The following FANCA variants were observed in gnomAD, a reference collection of about 807,000 sequenced individuals.
The protein encoded by FANCA is FA complementation group A, also known as Fanconi anemia group A protein.
In FANCA, 236 loss-of-function variants were observed where a neutral mutation model predicts 194.3. The observed-to-expected ratio is 1.21, with a 90% CI of 1.09 to 1.35. FANCA has a LOEUF of 1.35. Among genes scored for constraint, FANCA ranks in the 40% most tolerant of loss-of-function variants. FANCA has a pLI of 0.00. For synonymous variants in FANCA, 1,014 were observed against 715.8 expected (o/e 1.42, Z -6.65); for missense variants, 2,628 against 1,813.9 (o/e 1.45, Z -8.15).
At chr16:89,804,719 C>T (rs1416311860) in intron 7 of FANCA, among the ~76,000 whole-genome samples, 1 of 152,084 alleles carries the variant, frequency 6.6e-6, no homozygotes, top group African/African-American at 2.4e-5. Flanking sequence ...CATTACAGTC[C>T]CAAGTTTTTC....
intron 5 of FANCA, among the ~76,000 whole-genome samples, chr16:89,809,424 A>G (rs2040791332): frequency 6.6e-6 from 1 of 151,946 alleles, no homozygotes. Flanking sequence ...TGGATAAAAG[A>G]ATGGGAAAGG....
chr16:89,794,924 G>GT (rs1202756399), intron 11 of FANCA, among the ~76,000 whole-genome samples: 1 of 152,186 alleles, frequency 6.6e-6, no homozygotes, highest in Non-Finnish European at 1.5e-5. Context: ...GAAAGATAAC[G>GT]TGAGTTGTGC....
intron 28 of FANCA, chr16:89,762,786 A>G (rs1393461968): frequency 2.2e-6 from 1 of 451,108 alleles, no homozygotes; most frequent in East Asian, 7.2e-5. Flanking sequence ...GCACATCACC[A>G]TGACCAGCTA....
intron 37 of FANCA, among the ~76,000 whole-genome samples, chr16:89,741,926 G>GCAA (rs1165103360): frequency 6.6e-6 from 1 of 152,080 alleles, no homozygotes; most frequent in Non-Finnish European, 1.5e-5. Context: ...TCAAGCCTGG[G>GCAA]CAACACAGTG....
intron 38 of FANCA, 126 bp from the exon 39 acceptor site, chr16:89,740,225 CAGTTTT>C (rs1233440242): frequency 1.2e-6 from 1 of 841,888 alleles, no homozygotes; most frequent in African/African-American, 1.7e-5. Flanking sequence ...AAACTGGTGA[CAGTTTT>C]ACCTATAGAA....
chr16:89,776,622 T>C (rs920542576), intron 20 of FANCA, among the ~76,000 whole-genome samples: 1 of 149,870 alleles, frequency 6.7e-6, no homozygotes, highest in East Asian at 2.0e-4. Context: ...GGTCAGGAGA[T>C]TGAGACCATC....
intron 1 of FANCA, 112 bp from the exon 2 acceptor site, chr16:89,816,098 G>A (rs1403104317): frequency 2.5e-6 from 2 of 794,848 alleles, no homozygotes; most frequent in African/African-American, 3.4e-5. Context: ...CCCTCCCGAA[G>A]AGGGGCCGGG....
intron 36 of FANCA, among the ~76,000 whole-genome samples, chr16:89,743,412 G>A (rs541182742): frequency 2.0e-5 from 3 of 152,344 alleles, no homozygotes; most frequent in African/African-American, 4.8e-5. Flanking sequence ...TGGTTTAAGA[G>A]ACTTTAAATA....
At chr16:89,795,867 A>G in intron 11 of FANCA, 39 bp downstream of exon 11, 1 of 1,498,016 alleles carries the variant, frequency 6.7e-7, no homozygotes, top group Non-Finnish European at 9.3e-7. Context: ...GCAATCCCCA[A>G]AATGGGTAGC....
chr16:89,775,932 C>T (rs1478306960), intron 20 of FANCA, 117 bp from the exon 21 acceptor site: 1 of 611,096 alleles, frequency 1.6e-6, no homozygotes, highest in Non-Finnish European at 2.8e-6. Context: ...ATTATAAATA[C>T]TGTGTACAGT....
intron 36 of FANCA, among the ~76,000 whole-genome samples, chr16:89,743,616 G>C (rs2062183612): frequency 6.6e-6 from 1 of 152,132 alleles, no homozygotes; most frequent in African/African-American, 2.4e-5. Context: ...CTGAGGTCGG[G>C]AGTTCGAGAC....
chr16:89,754,247 AC>A (rs2038697553), intron 30 of FANCA, among the ~76,000 whole-genome samples: 1 of 119,792 alleles, frequency 8.3e-6, no homozygotes, highest in Non-Finnish European at 1.6e-5. Flanking sequence ...AAACAAAACA[AC>A]AACAAAAAAA....
chr16:89,765,191 T>G (rs1393868386), intron 27 of FANCA, 125 bp from the exon 28 acceptor site: 25 of 1,159,686 alleles, frequency 2.2e-5, no homozygotes, highest in Non-Finnish European at 3.8e-6. Flanking sequence ...TCAGAGGACC[T>G]CAGTCCAGCC....
At chr16:89,764,137 G>T (rs1416913356) in intron 28 of FANCA, among the ~76,000 whole-genome samples, 1 of 151,942 alleles carries the variant, frequency 6.6e-6, no homozygotes, top group Non-Finnish European at 1.5e-5. Flanking sequence ...AGCTACTGGA[G>T]AGGCTGAGGC....
rs55857704 is a variant in FANCA, at chr16:89,802,829, T to C, written c.792+430A>G. ...AATATTGCATGTTATCACAAATATG[T>C]GGGAGCTAAAAAGTGGCTCTTGTGG... On this transcript the variant is annotated intron_variant, in intron 8 of 42. Transcript: ENST00000389301. Among the ~76,000 whole-genome samples, 53 of 152,266 alleles carry C rather than the reference T, an allele frequency of 3.5e-4. No individual in the cohort carries two copies. In the East Asian group the frequency reaches 9.6e-3, roughly 28 times the overall value.
chr16:89,767,322 G>C, intron 26 of FANCA, 85 bp from the exon 27 acceptor site: 1 of 968,970 alleles, frequency 1.0e-6, no homozygotes, highest in Non-Finnish European at 1.6e-6. Flanking sequence ...TCATAAAACT[G>C]AATTTAGTGC....
chr16:89,810,956 G>A lies in FANCA; in HGVS notation c.399C>T (p.His133=), dbSNP rs56190097. ...TCTGCTCCACAGTCAGCAGCACAGGGTGACTGGTCTCCGCTGGAGCCGTGC... is the reference window on the plus strand; with the variant it reads ...TCTGCTCCACAGTCAGCAGCACAGGATGACTGGTCTCCGCTGGAGCCGTGC... The part of the protein sequence containing the change: ...QICTAPAETS[H]PVLLTVEQRK... Residue 133 remains histidine, a synonymous_variant, in exon 4 of 43, where the codon CAC becomes CAT. Coordinates refer to ENST00000389301, the MANE Select transcript of FANCA (RefSeq NM_000135.4). The A allele has an allele frequency of 7.0e-5, 113 of 1,614,122 alleles. No individual in the cohort carries two copies. The African/African-American group carries it at 1.1e-3, about 16-fold the overall frequency.
intron 28 of FANCA, among the ~76,000 whole-genome samples, chr16:89,764,098 C>A (rs760340829): frequency 1.3e-5 from 2 of 151,330 alleles, no homozygotes; most frequent in South Asian, 4.2e-4. Context: ...CAAAATTAGT[C>A]GGGCGTGGTG....
At chr16:89,800,822 G>C (rs541679859) in intron 8 of FANCA, among the ~76,000 whole-genome samples, 2 of 152,158 alleles carry the variant, frequency 1.3e-5, no homozygotes, top group East Asian at 3.9e-4. Flanking sequence ...CCTGAGGTCA[G>C]GAGTTCTAGA....
Sources: gnomAD v4.1 joint callset for allele counts (sites outside exome capture counted in the v4.1 genomes callset) on GRCh38, gnomAD v4.1.1 for gene constraint, MANE v1.5 for transcripts, NCBI Gene and HGNC (gene_info 2026-07-23, HGNC 2026-07-21) for gene names.